Variants in STK3 observed in about 807,000 individuals in gnomAD.
STK3 encodes serine/threonine-protein kinase 3.
STK3 carries 41 observed loss-of-function variants against 58.0 expected under a neutral mutation model. That is an observed-to-expected ratio of 0.71 (90% CI 0.55 to 0.92). STK3 has a LOEUF of 0.92. STK3 is among the 40% of genes least tolerant of loss of function. The probability of loss-of-function intolerance (pLI) is 0.00; values close to 1 mark genes in which losing one functional copy is unlikely to be tolerated. For missense variants in STK3, 479 were observed against 602.7 expected (o/e 0.79, Z 2.15); for synonymous variants, 170 against 191.0 (o/e 0.89, Z 0.91).
At chr8:98,857,829 T>A (rs1424881807) in intron 3 of STK3, among the ~76,000 whole-genome samples, 4 of 152,164 alleles carry the variant, frequency 2.6e-5, no homozygotes, top group African/African-American at 9.7e-5. Context: ...GTAAATCATT[T>A]TATTACAGGA....
chr8:98,716,027 C>T (rs1340185486), intron 4 of STK3, among the ~76,000 whole-genome samples: 1 of 151,280 alleles, frequency 6.6e-6, no homozygotes, highest in Non-Finnish European at 1.5e-5. Context: ...CAAACTATTG[C>T]AAGGACAAAA....
intron 1 of STK3, among the ~76,000 whole-genome samples, chr8:98,778,400 G>A (rs1831858407): frequency 1.3e-5 from 2 of 151,508 alleles, no homozygotes; most frequent in Non-Finnish European, 1.5e-5. Flanking sequence ...GAGAGGATGT[G>A]GAGAAATAGG....
At chr8:98,865,746 G>A (rs1004644605) in intron 3 of STK3, among the ~76,000 whole-genome samples, 3 of 152,238 alleles carry the variant, frequency 2.0e-5, no homozygotes, top group Non-Finnish European at 4.4e-5. Flanking sequence ...CAATGCCATT[G>A]GCTGTGGAGT....
downstream of STK3, among the ~76,000 whole-genome samples, chr8:98,370,677 G>A (rs1817601632): frequency 6.6e-6 from 1 of 152,160 alleles, no homozygotes; most frequent in Admixed American, 6.5e-5. Flanking sequence ...ATCCAGGAAT[G>A]CTGACATTAC....
chr8:98,863,511 C>T (rs892190543), intron 3 of STK3, among the ~76,000 whole-genome samples: 11 of 152,188 alleles, frequency 7.2e-5, no homozygotes, highest in African/African-American at 2.7e-4. Context: ...CTCACACACA[C>T]ACACACCACA....
rs1203329803 is a variant in STK3, at chr8:98,668,462, A to G, written c.684+38005T>C. ...ATCATAACTTACAGTCAGCTCCACCAGTTGGATTATTTCCAATATTTATTA... is the reference window on the plus strand; with the variant it reads ...ATCATAACTTACAGTCAGCTCCACCGGTTGGATTATTTCCAATATTTATTA... On this transcript the variant is annotated intron_variant, in intron 6 of 10. Transcript: ENST00000419617. Among the ~76,000 whole-genome samples, 4 of 152,306 alleles carry G rather than the reference A, an allele frequency of 2.6e-5. No individual in the cohort carries two copies. The East Asian group carries it at 5.8e-4, about 22-fold the overall frequency.
chr8:98,750,778 A>G (rs1829924723), intron 3 of STK3, among the ~76,000 whole-genome samples: 1 of 152,194 alleles, frequency 6.6e-6, no homozygotes, highest in African/African-American at 2.4e-5. Flanking sequence ...CTGATACCAA[A>G]ACCTGGCAGA....
At chr8:98,480,125 GA>G (rs1420609218) in intron 10 of STK3, among the ~76,000 whole-genome samples, 1 of 151,988 alleles carries the variant, frequency 6.6e-6, no homozygotes, top group Non-Finnish European at 1.5e-5. Context: ...AAAGTGGTGG[GA>G]AAAAACATCA....
At chr8:98,811,801 C>T (rs1410899845) in intron 1 of STK3, among the ~76,000 whole-genome samples, 1 of 152,164 alleles carries the variant, frequency 6.6e-6, no homozygotes, top group Non-Finnish European at 1.5e-5. Context: ...TACATTTTTA[C>T]CTCAAACTAG....
chr8:98,737,926 T>A (rs1490914411), intron 4 of STK3, among the ~76,000 whole-genome samples: 2 of 151,872 alleles, frequency 1.3e-5, no homozygotes, highest in Non-Finnish European at 2.9e-5. Context: ...GCCAGGCTGG[T>A]CTCAAACTCC....
At chr8:98,858,118 C>A (rs1836746611) in intron 3 of STK3, among the ~76,000 whole-genome samples, 1 of 151,300 alleles carries the variant, frequency 6.6e-6, no homozygotes, top group African/African-American at 2.4e-5. Flanking sequence ...CACAGTGGCT[C>A]ATGCCTGTAA....
chr8:98,791,168 AC>A (rs2131580078), intron 1 of STK3, among the ~76,000 whole-genome samples: 1 of 152,306 alleles, frequency 6.6e-6, no homozygotes, highest in African/African-American at 2.4e-5. Flanking sequence ...TCTTCTATAC[AC>A]CAACAGCGAC....
chr8:98,613,708 C>A lies in STK3; in HGVS notation c.685-17539G>T, dbSNP rs553240614. Among the ~76,000 whole-genome samples the A allele has an allele frequency of 1.3e-3, 202 of 151,584 alleles. 1 individual carries two copies. Among genetic ancestry groups the A allele is most frequent in the Non-Finnish European group, 1.2e-3 (81 of 67,852 alleles). Reference sequence around the variant, plus strand: ...TTTAGCCATAACATATTAATAATTACATTAAATGTAAATCGCCTAAATATG... The same window carrying A: ...TTTAGCCATAACATATTAATAATTAAATTAAATGTAAATCGCCTAAATATG... On this transcript the variant is annotated intron_variant, in intron 6 of 10. Coordinates refer to ENST00000419617, the MANE Select transcript of STK3 (RefSeq NM_006281.4).
chr8:98,698,319 T>C (rs1825185140), intron 6 of STK3, among the ~76,000 whole-genome samples: 1 of 151,922 alleles, frequency 6.6e-6, no homozygotes, highest in Non-Finnish European at 1.5e-5. Context: ...CTTTATCCAA[T>C]TTGCCAGTCT....
At chr8:98,735,057 T>C (rs2131268025) in intron 4 of STK3, among the ~76,000 whole-genome samples, 2 of 152,334 alleles carry the variant, frequency 1.3e-5, no homozygotes, top group Non-Finnish European at 2.9e-5. Context: ...GGCTTGTCTT[T>C]GGTATATGAC....
At chr8:98,898,193 C>T (rs1334375280) in intron 1 of STK3, among the ~76,000 whole-genome samples, 1 of 152,244 alleles carries the variant, frequency 6.6e-6, no homozygotes, top group African/African-American at 2.4e-5. Context: ...CCAGTCATGG[C>T]CTGATGCCGG....
chr8:98,565,893 A>G (rs1812439629), intron 8 of STK3, among the ~76,000 whole-genome samples: 1 of 152,190 alleles, frequency 6.6e-6, no homozygotes, highest in Admixed American at 6.6e-5. Flanking sequence ...ACTATGTAAT[A>G]CAGTTGACCC....
At chr8:98,780,792 C>T (rs556522387) in intron 1 of STK3, among the ~76,000 whole-genome samples, 1 of 152,196 alleles carries the variant, frequency 6.6e-6, no homozygotes, top group Admixed American at 6.5e-5. Context: ...TTGGTGTCAT[C>T]AGCACATTGC....
At chr8:98,813,204 G>A (rs954207639) in intron 1 of STK3, among the ~76,000 whole-genome samples, 5 of 152,066 alleles carry the variant, frequency 3.3e-5, no homozygotes, top group Admixed American at 2.0e-4. Flanking sequence ...TCCATTTTAC[G>A]AGTAAATTCA....
Sources: allele counts gnomAD v4.1 joint callset (sites outside exome capture counted in the v4.1 genomes callset), GRCh38; gene constraint gnomAD v4.1.1; transcripts MANE v1.5; gene names NCBI Gene and HGNC (gene_info 2026-07-23, HGNC 2026-07-21).